FUT8: variants seen among roughly 807,000 people sequenced by gnomAD.
FUT8 encodes alpha-(1,6)-fucosyltransferase.
FUT8 carries 29 observed loss-of-function variants against 71.3 expected under a neutral mutation model. The ratio of observed to expected loss-of-function variants is 0.41; its 90% confidence interval spans 0.30 to 0.55. The LOEUF (loss-of-function observed/expected upper bound fraction) is 0.55. Among genes scored for constraint, FUT8 ranks in the 20% least tolerant of loss-of-function variants. The pLI, the probability that FUT8 is intolerant of heterozygous loss-of-function variation, is 0.34. For missense variants in FUT8, 544 were observed against 702.1 expected (o/e 0.77, Z 2.55); for synonymous variants, 254 against 239.3 (o/e 1.06, Z -0.57).
At chr14:65,692,103 A>C (rs1011267621) in intron 7 of FUT8, among the ~76,000 whole-genome samples, 3 of 151,924 alleles carry the variant, frequency 2.0e-5, no homozygotes, top group South Asian at 2.1e-4. Context: ...GCCCGTTCTC[A>C]ATGAGCTGTT....
intron 2 of FUT8, among the ~76,000 whole-genome samples, chr14:65,478,807 C>T (rs141879106): frequency 6.6e-6 from 1 of 152,352 alleles, no homozygotes; most frequent in African/African-American, 2.4e-5. Context: ...ACAGCCCACA[C>T]TGCTGTGAAT....
chr14:65,519,268 T>G (rs1477221530), intron 2 of FUT8, among the ~76,000 whole-genome samples: 1 of 152,212 alleles, frequency 6.6e-6, no homozygotes, highest in East Asian at 1.9e-4. Flanking sequence ...AAGTCGGTTA[T>G]GGTAATACAT....
At chr14:65,510,806 C>CT (rs1285298607) in intron 2 of FUT8, among the ~76,000 whole-genome samples, 2 of 151,988 alleles carry the variant, frequency 1.3e-5, no homozygotes, top group Non-Finnish European at 2.9e-5. Context: ...TTTGGATCTT[C>CT]TTTTTTCCTT....
At chr14:65,406,811 T>C (rs374532209), upstream of FUT8, among the ~76,000 whole-genome samples, 1 of 152,180 alleles carries the variant, frequency 6.6e-6, no homozygotes, top group East Asian at 1.9e-4. Flanking sequence ...GTGCTGGGAT[T>C]ATAGGTGTGA....
At chr14:65,464,442 T>C (rs1337364434) in intron 2 of FUT8, among the ~76,000 whole-genome samples, 1 of 152,158 alleles carries the variant, frequency 6.6e-6, no homozygotes. Context: ...TTCCTGATCC[T>C]ACGGGGAAAG....
chr14:65,670,658 G>A lies in FUT8; in HGVS notation c.835+1178G>A, dbSNP rs1892431976. Among the ~76,000 whole-genome samples the A allele has an allele frequency of 2.0e-5, 3 of 152,002 alleles. No individual in the cohort carries two copies. In the South Asian group the frequency reaches 6.2e-4, roughly 32 times the overall value. ...CCTTTTTTCACGAGCTACAACACTA[G>A]ATACGAAATAGGGAGCTATGTCATC... is the stretch of plus-strand genomic sequence containing the variant. On this transcript the variant is annotated intron_variant, in intron 7 of 10. Coordinates refer to ENST00000673929, the MANE Select transcript of FUT8 (RefSeq NM_001371533.1).
chr14:65,582,584 T>C, intron 3 of FUT8, among the ~76,000 whole-genome samples: 1 of 152,214 alleles, frequency 6.6e-6, no homozygotes, highest in East Asian at 1.9e-4. Context: ...CTGAGAATCC[T>C]TTCTTGACCT....
At chr14:65,436,955 C>CATGT in intron 1 of FUT8, among the ~76,000 whole-genome samples, 1 of 152,228 alleles carries the variant, frequency 6.6e-6, no homozygotes, top group Non-Finnish European at 1.5e-5. Flanking sequence ...AAATGCCCTA[C>CATGT]AGGCAGTATG....
chr14:65,664,082 C>A (rs916473019), intron 6 of FUT8, among the ~76,000 whole-genome samples: 1 of 151,938 alleles, frequency 6.6e-6, no homozygotes, highest in Non-Finnish European at 1.5e-5. Context: ...AAAAACTGTT[C>A]TAAAAGAAAA....
At chr14:65,530,793 T>TA (rs1294346841) in intron 2 of FUT8, among the ~76,000 whole-genome samples, 1 of 150,928 alleles carries the variant, frequency 6.6e-6, no homozygotes, top group Admixed American at 6.6e-5. Context: ...TGTATGCTCT[T>TA]ACGTTCTCTC....
intron 3 of FUT8, among the ~76,000 whole-genome samples, chr14:65,593,810 A>AGGT (rs1385130155): frequency 6.6e-6 from 1 of 152,228 alleles, no homozygotes; most frequent in Non-Finnish European, 1.5e-5. Flanking sequence ...TCCCAACCTC[A>AGGT]GGTGATCCAC....
intron 9 of FUT8, among the ~76,000 whole-genome samples, chr14:65,732,347 C>G (rs912608503): frequency 3.3e-5 from 5 of 152,208 alleles, no homozygotes; most frequent in Admixed American, 2.0e-4. Context: ...TATTTATTCA[C>G]TCAGCATTGT....
At chr14:65,484,740 G>C (rs1439327547) in intron 2 of FUT8, among the ~76,000 whole-genome samples, 1 of 152,122 alleles carries the variant, frequency 6.6e-6, no homozygotes, top group Admixed American at 6.6e-5. Context: ...TAATCCAACT[G>C]TATGTTTCTG....
intron 2 of FUT8, among the ~76,000 whole-genome samples, chr14:65,525,856 A>G (rs1883430332): frequency 6.6e-6 from 1 of 152,166 alleles, no homozygotes; most frequent in Non-Finnish European, 1.5e-5. Flanking sequence ...TTCAGTTTCC[A>G]TGTAGTTGAG....
intron 2 of FUT8, among the ~76,000 whole-genome samples, chr14:65,486,779 G>A (rs565082619): frequency 1.3e-5 from 2 of 152,314 alleles, no homozygotes; most frequent in African/African-American, 2.4e-5. Context: ...TATTTATCCC[G>A]AGGGTTGTAG....
chr14:65,658,035 A>G (rs2140342138), intron 6 of FUT8, among the ~76,000 whole-genome samples: 1 of 152,308 alleles, frequency 6.6e-6, no homozygotes, highest in South Asian at 2.1e-4. Context: ...AAGAGAAGCC[A>G]TAGACTGAGA....
chr14:65,701,227 A>T (rs2140481407), intron 7 of FUT8, among the ~76,000 whole-genome samples: 1 of 152,332 alleles, frequency 6.6e-6, no homozygotes, highest in Admixed American at 6.5e-5. Context: ...TAAGGTCTTC[A>T]TGAGTAAACT....
intron 2 of FUT8, among the ~76,000 whole-genome samples, chr14:65,518,219 C>G (rs1882840256): frequency 6.6e-6 from 1 of 152,070 alleles, no homozygotes; most frequent in Non-Finnish European, 1.5e-5. Flanking sequence ...CAAAGGAAAA[C>G]ATATATTTTA....
In FUT8 at chr14:65,651,741, A is replaced by G. The variant is rs1335465093; in HGVS notation, c.598-17502A>G. On this transcript the variant is annotated intron_variant, in intron 6 of 10. Transcript: ENST00000673929. ...GGAAATTTTAGAACTGATAAATATA[A>G]TAAACTAAATTAAAAATTAGCTCAG... Among the ~76,000 whole-genome samples the G allele has an allele frequency of 5.9e-5, 9 of 152,364 alleles. No homozygotes were observed. The East Asian group carries it at 1.7e-3, about 29-fold the overall frequency.
Sources: gnomAD v4.1 joint callset for allele counts (sites outside exome capture counted in the v4.1 genomes callset) on GRCh38, gnomAD v4.1.1 for gene constraint, MANE v1.5 for transcripts, NCBI Gene and HGNC (gene_info 2026-07-23, HGNC 2026-07-21) for gene names.